Variants in NBAS observed in about 807,000 individuals in gnomAD.
NBAS encodes the protein NBAS subunit of NRZ tethering complex.
Under a neutral mutation model 302.5 loss-of-function variants are expected in NBAS, and 219 were observed. The observed-to-expected ratio is 0.72, with a 90% CI of 0.65 to 0.81. The LOEUF (loss-of-function observed/expected upper bound fraction) is 0.81. NBAS is among the 30% of genes least tolerant of loss of function. NBAS has a pLI of 0.00. For synonymous variants in NBAS, 1,118 were observed against 1,021.6 expected (o/e 1.09, Z -1.80); for missense variants, 2,932 against 2,841.6 (o/e 1.03, Z -0.72).
At chr2:15,034,321 A>AGGC in the NBAS span, among the ~76,000 whole-genome samples, 46 of 148,182 alleles carry the variant, frequency 3.1e-4, 1 homozygote, top group African/African-American at 8.4e-4. Context: ...AGAGGGAAGG[A>AGGC]AGGCAGGCAG....
chr2:14,850,639 C>CCA, the NBAS span, among the ~76,000 whole-genome samples: 1 of 68,644 alleles, frequency 1.5e-5, no homozygotes, highest in South Asian at 4.9e-4. Flanking sequence ...TTTTTCAGCA[C>CCA]CACACCACAC....
chr2:15,157,074 G>T, the NBAS span, among the ~76,000 whole-genome samples: 1 of 152,098 alleles, frequency 6.6e-6, no homozygotes, highest in Non-Finnish European at 1.5e-5. Flanking sequence ...TGCAAACCAG[G>T]AGGTCAATGG....
intron 6 of NBAS, among the ~76,000 whole-genome samples, chr2:15,549,002 T>C (rs1664247953): frequency 6.6e-6 from 1 of 152,142 alleles, no homozygotes; most frequent in Non-Finnish European, 1.5e-5. Context: ...TGTATTCCAG[T>C]CAATAGCAAA....
chr2:15,457,005 C>A (rs568532583), intron 21 of NBAS, among the ~76,000 whole-genome samples: 1 of 152,036 alleles, frequency 6.6e-6, no homozygotes, highest in East Asian at 1.9e-4. Context: ...AGTAGAGATT[C>A]AGAATGAAGT....
intron 16 of NBAS, among the ~76,000 whole-genome samples, chr2:15,470,704 T>C (rs1679920663): frequency 6.6e-6 from 1 of 152,190 alleles, no homozygotes; most frequent in Non-Finnish European, 1.5e-5. Flanking sequence ...ACCAGATCTA[T>C]AATAATCACT....
chr2:15,441,167 T>TA lies in NBAS; in HGVS notation c.2340-13374dup, dbSNP rs1219900442. Among the ~76,000 whole-genome samples the TA allele has an allele frequency of 4.6e-5, 7 of 152,264 alleles. 1 individual carries two copies. In the South Asian group the frequency reaches 1.2e-3, roughly 27 times the overall value. The stretch of plus-strand genomic sequence containing the variant: ...GGAAATACAGAGAATGCCACAAAGA[T>TA]ACTCATTGAGAAGAGCAACTCCAAG... On this transcript the variant is annotated intron_variant, in intron 21 of 51. Coordinates refer to ENST00000281513, the MANE Select transcript of NBAS (RefSeq NM_015909.4).
At chr2:15,254,421 C>T (rs569384799) in intron 44 of NBAS, among the ~76,000 whole-genome samples, 11 of 152,124 alleles carry the variant, frequency 7.2e-5, no homozygotes, top group African/African-American at 9.7e-5. Context: ...CTGGGGTCTC[C>T]GTTTGTGCAG....
chr2:15,081,644 T>C, the NBAS span, among the ~76,000 whole-genome samples: 5 of 152,300 alleles, frequency 3.3e-5, no homozygotes, highest in East Asian at 7.7e-4. Context: ...TAGAAAGAGA[T>C]GCCCCAGCGT....
intron 9 of NBAS, among the ~76,000 whole-genome samples, chr2:15,530,048 T>C (rs556797209): frequency 6.6e-6 from 1 of 152,196 alleles, no homozygotes. Flanking sequence ...GATTACCTAC[T>C]GTAGTTAATA....
chr2:15,451,997 TAAA>T (rs754723466), intron 21 of NBAS, among the ~76,000 whole-genome samples: 1 of 136,790 alleles, frequency 7.3e-6, no homozygotes. Flanking sequence ...AACATTACGC[TAAA>T]AAAAAAAAAA....
intron 50 of NBAS, among the ~76,000 whole-genome samples, chr2:15,183,475 G>A (rs1425147301): frequency 6.6e-6 from 1 of 152,212 alleles, no homozygotes; most frequent in Non-Finnish European, 1.5e-5. Flanking sequence ...CTCTCATCCC[G>A]AGAGAATTAC....
chr2:15,393,101 T>C (rs151253125), intron 28 of NBAS, among the ~76,000 whole-genome samples: 2 of 151,984 alleles, frequency 1.3e-5, no homozygotes, highest in African/African-American at 4.8e-5. Flanking sequence ...AATGGATTCT[T>C]AGAATGGTTC....
intron 45 of NBAS, among the ~76,000 whole-genome samples, chr2:15,237,249 C>T (rs1052684639): frequency 1.3e-5 from 2 of 151,856 alleles, no homozygotes; most frequent in African/African-American, 4.8e-5. Context: ...AAATATAGAA[C>T]AAAATCTCTA....
the NBAS span, among the ~76,000 whole-genome samples, chr2:15,147,063 CT>C: frequency 6.6e-6 from 1 of 152,136 alleles, no homozygotes; most frequent in Non-Finnish European, 1.5e-5. Context: ...GAAATGTGAG[CT>C]GTCTTCAAGC....
chr2:14,891,691 A>G, the NBAS span, among the ~76,000 whole-genome samples: 81,162 of 151,986 alleles, frequency 0.53, 24,026 homozygotes, highest in African/African-American at 0.8. Flanking sequence ...AACTATTAAT[A>G]TAAACAAGGA....
At chr2:14,954,898 T>A in the NBAS span, among the ~76,000 whole-genome samples, 7 of 152,236 alleles carry the variant, frequency 4.6e-5, no homozygotes, top group African/African-American at 4.8e-5. Flanking sequence ...ACCATACAAT[T>A]GCACTCCTGA....
chr2:15,183,814 A>G (rs1664942963), intron 50 of NBAS, among the ~76,000 whole-genome samples: 1 of 152,182 alleles, frequency 6.6e-6, no homozygotes, highest in African/African-American at 2.4e-5. Flanking sequence ...GTGTGTGAGG[A>G]GTGCTCTAAC....
the NBAS span, among the ~76,000 whole-genome samples, chr2:15,126,812 G>A: frequency 1.3e-5 from 2 of 152,174 alleles, no homozygotes; most frequent in African/African-American, 4.8e-5. Flanking sequence ...CATACACTCT[G>A]CTAAGCACGC....
the NBAS span, among the ~76,000 whole-genome samples, chr2:15,068,562 A>G: frequency 6.6e-6 from 1 of 151,092 alleles, no homozygotes; most frequent in Non-Finnish European, 1.5e-5. Context: ...GGCAGAGACA[A>G]TGTCTTAATC....
Sources: gnomAD v4.1 joint callset for allele counts (sites outside exome capture counted in the v4.1 genomes callset) on GRCh38, gnomAD v4.1.1 for gene constraint, MANE v1.5 for transcripts, NCBI Gene and HGNC (gene_info 2026-07-23, HGNC 2026-07-21) for gene names.